FAM193A: variants seen among roughly 807,000 people sequenced by gnomAD.
FAM193A encodes the protein family with sequence similarity 193 member A.
A neutral mutation model predicts 126.5 loss-of-function variants in FAM193A; 22 were observed. The ratio of observed to expected loss-of-function variants is 0.17; its 90% CI spans 0.12 to 0.25. FAM193A has a LOEUF of 0.25. FAM193A is among the 10% of genes least tolerant of loss of function. FAM193A has a pLI of 1.00. For synonymous variants in FAM193A, 761 were observed against 646.8 expected, an observed-to-expected ratio of 1.18 and a Z score of -2.68; for missense variants, 1,675 against 1,672.8, an observed-to-expected ratio of 1.00 and a Z score of -0.02.
chr4:2,628,455 A>G (rs1743197149), intron 4 of FAM193A, among the ~76,000 whole-genome samples: 2 of 152,098 alleles, frequency 1.3e-5, no homozygotes, highest in African/African-American at 2.4e-5. Context: ...CCTGGGCAAC[A>G]TAGTGACTTG....
At chr4:2,710,161 G>GTTTTTTTTTTTTTTTTT (rs796903801) in intron 19 of FAM193A, among the ~76,000 whole-genome samples, 40 of 91,814 alleles carry the variant, frequency 4.4e-4, no homozygotes, top group East Asian at 6.6e-4. Flanking sequence ...TTCTTCTTTT[G>GTTTTTTTTTTTTTTTTT]TTTTTTTTTT....
intron 7 of FAM193A, among the ~76,000 whole-genome samples, chr4:2,647,431 C>T (rs1052050069): frequency 6.6e-6 from 1 of 152,186 alleles, no homozygotes; most frequent in Admixed American, 6.5e-5. Context: ...CAGGAGTGAG[C>T]CACCACGCCT....
rs1185898730 is a variant in FAM193A, at chr4:2,549,998, A to AT, written c.255+12830dup. On this transcript the variant is annotated intron_variant, in intron 1 of 20. Coordinates refer to ENST00000637812, the MANE Select transcript of FAM193A (RefSeq NM_001366318.2). ...CTCCTTGGCTTCCCAAAGTGCGGGGATTACAGGCATGAGCCACCGCACCTG... is the reference window on the plus strand; with the variant it reads ...CTCCTTGGCTTCCCAAAGTGCGGGGATTTACAGGCATGAGCCACCGCACCTG... Among the ~76,000 whole-genome samples the AT allele has an allele frequency of 4.2e-5, 6 of 143,340 alleles. No individual in the cohort carries two copies. In the East Asian group the frequency reaches 1.3e-3, roughly 30 times the overall value. 94.0% of individuals were successfully genotyped at this position (143,340 alleles called of 152,430 possible).
At chr4:2,595,141 T>C (rs1264047486) in intron 1 of FAM193A, among the ~76,000 whole-genome samples, 2 of 151,982 alleles carry the variant, frequency 1.3e-5, no homozygotes, top group African/African-American at 2.4e-5. Flanking sequence ...CTCGACTTGC[T>C]GGGTTTTAGC....
chr4:2,711,844 T>C (rs1343351162), intron 19 of FAM193A, among the ~76,000 whole-genome samples: 2 of 151,962 alleles, frequency 1.3e-5, no homozygotes, highest in East Asian at 3.9e-4. Context: ...GAAGAATCGC[T>C]TGAATTTGGG....
intron 12 of FAM193A, among the ~76,000 whole-genome samples, chr4:2,664,262 T>C (rs1410211224): frequency 2.0e-5 from 3 of 152,228 alleles, no homozygotes; most frequent in Non-Finnish European, 2.9e-5. Context: ...CATTTAGTTA[T>C]TGTGAGGTGA....
chr4:2,560,459 A>T (rs1312536349), intron 1 of FAM193A, among the ~76,000 whole-genome samples: 1 of 152,178 alleles, frequency 6.6e-6, no homozygotes, highest in Non-Finnish European at 1.5e-5. Context: ...TGCTTGGCAC[A>T]TAGTACATAG....
intron 13 of FAM193A, among the ~76,000 whole-genome samples, chr4:2,681,139 G>A (rs1439995308): frequency 2.6e-5 from 4 of 151,936 alleles, no homozygotes; most frequent in African/African-American, 7.3e-5. Flanking sequence ...ACAGGTGTGC[G>A]CCACCACTCC....
intron 1 of FAM193A, among the ~76,000 whole-genome samples, chr4:2,581,803 G>A (rs922131006): frequency 2.0e-5 from 3 of 151,604 alleles, no homozygotes; most frequent in African/African-American, 7.3e-5. Context: ...ACAGGCCCCC[G>A]CCACCATGCA....
At chr4:2,550,072 T>G (rs944739573) in intron 1 of FAM193A, among the ~76,000 whole-genome samples, 1 of 148,114 alleles carries the variant, frequency 6.8e-6, no homozygotes, top group East Asian at 2.1e-4. Flanking sequence ...AGTGTCGCTC[T>G]GTGGCCCAAG....
chr4:2,668,670 A>G (rs1445657439), intron 12 of FAM193A, among the ~76,000 whole-genome samples: 3 of 152,150 alleles, frequency 2.0e-5, no homozygotes, highest in African/African-American at 4.8e-5. Context: ...TTACAAACCA[A>G]TAATATGTTT....
At chr4:2,677,665 C>T (rs140085748) in intron 13 of FAM193A, among the ~76,000 whole-genome samples, 4,567 of 149,864 alleles carry the variant, frequency 0.03, 209 homozygotes, top group African/African-American at 0.11. Flanking sequence ...CACTTGAACC[C>T]GGGAGGCGGA....
intron 2 of FAM193A, among the ~76,000 whole-genome samples, chr4:2,611,550 A>G (rs1359390914): frequency 1.3e-5 from 2 of 152,188 alleles, no homozygotes; most frequent in East Asian, 3.9e-4. Flanking sequence ...CTGGGATTAC[A>G]GGCGTGAGCC....
chr4:2,598,492 G>A (rs1386604628), intron 2 of FAM193A, among the ~76,000 whole-genome samples: 1 of 152,136 alleles, frequency 6.6e-6, no homozygotes, highest in East Asian at 1.9e-4. Context: ...AATGATTTTT[G>A]CATCTGTGCT....
chr4:2,604,959 G>A (rs1488357002), intron 2 of FAM193A, among the ~76,000 whole-genome samples: 1 of 150,146 alleles, frequency 6.7e-6, no homozygotes, highest in Non-Finnish European at 1.5e-5. Context: ...CAACAGTCCT[G>A]GATGATTTTT....
chr4:2,651,214 C>T (rs987257954), intron 7 of FAM193A, among the ~76,000 whole-genome samples: 1 of 152,150 alleles, frequency 6.6e-6, no homozygotes, highest in Non-Finnish European at 1.5e-5. Flanking sequence ...CCTGTAATCT[C>T]ACCTACTCAG....
At position 2,543,534 on chromosome 4, in the gene FAM193A, C is replaced by T. The variant is rs530630726; in HGVS notation, c.255+6364C>T. ...TGACGTGGAGAGACCCTCCCCGCCACTGCTCTACAAAAAATTAAAATAAAA... is the reference window on the plus strand; with the variant it reads ...TGACGTGGAGAGACCCTCCCCGCCATTGCTCTACAAAAAATTAAAATAAAA... On this transcript the variant is annotated intron_variant, in intron 1 of 20. Coordinates refer to ENST00000637812, the MANE Select transcript of FAM193A (RefSeq NM_001366318.2). 3.3e-5 allele frequency among the ~76,000 whole-genome samples: 5 copies of T among 151,990 alleles called. No homozygotes were observed. The East Asian group carries it at 9.7e-4, about 29-fold the overall frequency.
intron 19 of FAM193A, among the ~76,000 whole-genome samples, chr4:2,701,633 G>C (rs907150197): frequency 6.6e-6 from 1 of 152,076 alleles, no homozygotes; most frequent in African/African-American, 2.4e-5. Context: ...TTTCACTACG[G>C]TCAAGTTAAT....
intron 7 of FAM193A, 99 bp downstream of exon 7, chr4:2,646,931 G>A: frequency 1.5e-6 from 2 of 1,318,582 alleles, no homozygotes; most frequent in Non-Finnish European, 2.0e-6. Context: ...CTGCAAGCCA[G>A]GAATTCCCGA....
Sources: allele counts gnomAD v4.1 joint callset (sites outside exome capture counted in the v4.1 genomes callset), GRCh38; gene constraint gnomAD v4.1.1; transcripts MANE v1.5; gene names NCBI Gene and HGNC (gene_info 2026-07-23, HGNC 2026-07-21).